The following CNTN5 variants were observed in gnomAD, a reference collection of about 807,000 sequenced individuals.
CNTN5 encodes the protein contactin 5.
A neutral mutation model predicts 129.1 loss-of-function variants in CNTN5; 77 were observed. The ratio of observed to expected loss-of-function variants is 0.60; its 90% CI spans 0.50 to 0.72. The LOEUF (loss-of-function observed/expected upper bound fraction) is 0.72, where lower values mean the gene tolerates loss of function less well. Ranked by LOEUF, CNTN5 falls within the 30% of genes least tolerant of loss-of-function variation. The pLI is 0.00. For synonymous variants in CNTN5, 509 were observed against 465.6 expected (o/e 1.09, Z -1.20); for missense variants, 1,478 against 1,328.8 (o/e 1.11, Z -1.75).
chr11:99,775,095 A>G (rs754400887), intron 3 of CNTN5, among the ~76,000 whole-genome samples: 63 of 152,042 alleles, frequency 4.1e-4, no homozygotes, highest in Admixed American at 1.6e-3. Flanking sequence ...AGCTAAGTCA[A>G]TCCAAACTGA....
Position 99,843,493 on chromosome 11 carries a change from T to C in CNTN5, c.278-1359T>C, listed in dbSNP as rs1299810315. 3.3e-5 allele frequency among the ~76,000 whole-genome samples: 5 copies of C among 152,314 alleles called. No homozygotes were observed. The East Asian group carries it at 9.6e-4, about 29-fold the overall frequency. On this transcript the variant is annotated intron_variant, in intron 4 of 24. Coordinates refer to ENST00000524871, the MANE Select transcript of CNTN5 (RefSeq NM_014361.4). ...TCCTGGAACATTTATTTTTATACTT[T>C]TTTTCTGAATATTTTCTTGTGATTA...
chr11:99,938,493 T>A (rs1308532100), intron 7 of CNTN5, among the ~76,000 whole-genome samples: 2 of 152,134 alleles, frequency 1.3e-5, no homozygotes, highest in African/African-American at 2.4e-5. Flanking sequence ...CAGGGAATCA[T>A]GGCACATAAT....
In CNTN5 at chr11:99,655,350, C is replaced by G. The variant is rs144801221; in HGVS notation, c.55+99081C>G. On this transcript the variant is annotated intron_variant, in intron 3 of 24. Coordinates refer to ENST00000524871, the MANE Select transcript of CNTN5 (RefSeq NM_014361.4). ...GGTCCAAAGTACAGCCTGACTAATACTAAGTTATGATTATATTTCTGTCCA... is the reference window on the plus strand; with the variant it reads ...GGTCCAAAGTACAGCCTGACTAATAGTAAGTTATGATTATATTTCTGTCCA... 2.2e-3 allele frequency among the ~76,000 whole-genome samples: 341 copies of G among 152,184 alleles called. 1 individual carries two copies. Among genetic ancestry groups the G allele is most frequent in the African/African-American group, 7.5e-3 (311 of 41,536 alleles).
intron 1 of CNTN5, among the ~76,000 whole-genome samples, chr11:99,030,523 A>G (rs10790408): frequency 0.36 from 54,260 of 151,874 alleles, 11,664 homozygotes; most frequent in African/African-American, 0.58. Flanking sequence ...TTGTTGGGCT[A>G]GAAAAGGGAT....
At chr11:100,329,105 G>A (rs1489567505) in intron 21 of CNTN5, among the ~76,000 whole-genome samples, 1 of 152,212 alleles carries the variant, frequency 6.6e-6, no homozygotes, top group Non-Finnish European at 1.5e-5. Context: ...AGTGAGACCA[G>A]CCTTTAGGAC....
intron 17 of CNTN5, among the ~76,000 whole-genome samples, chr11:100,268,275 C>A (rs1237638895): frequency 1.3e-5 from 2 of 152,028 alleles, no homozygotes; most frequent in South Asian, 2.1e-4. Flanking sequence ...AGAGGTTTAG[C>A]GTAAAGTTAT....
intron 3 of CNTN5, among the ~76,000 whole-genome samples, chr11:99,694,240 A>G (rs1031312894): frequency 6.6e-6 from 1 of 152,148 alleles, no homozygotes; most frequent in Non-Finnish European, 1.5e-5. Context: ...CAAACTTCAG[A>G]CAGTGAGCCA....
At chr11:99,297,159 G>A (rs1864423120) in intron 1 of CNTN5, among the ~76,000 whole-genome samples, 1 of 152,272 alleles carries the variant, frequency 6.6e-6, no homozygotes, top group Admixed American at 6.5e-5. Context: ...CCTGGCAGGT[G>A]AAGACTAATA....
At chr11:99,131,769 A>C (rs932802995) in intron 1 of CNTN5, among the ~76,000 whole-genome samples, 4 of 151,514 alleles carry the variant, frequency 2.6e-5, no homozygotes, top group African/African-American at 9.7e-5. Context: ...GAGCTTGCCA[A>C]TCAAAAAAAG....
At chr11:99,902,683 T>G (rs1013381907) in intron 6 of CNTN5, among the ~76,000 whole-genome samples, 2 of 152,128 alleles carry the variant, frequency 1.3e-5, no homozygotes, top group Non-Finnish European at 2.9e-5. Context: ...TAATGAAAAA[T>G]TCCACACAAA....
At chr11:99,666,025 C>G (rs986247488) in intron 3 of CNTN5, among the ~76,000 whole-genome samples, 12 of 151,878 alleles carry the variant, frequency 7.9e-5, no homozygotes, top group African/African-American at 2.4e-4. Flanking sequence ...AGGGCAGTGG[C>G]GTGATCTTGG....
At chr11:99,327,776 T>G (rs982676016) in intron 2 of CNTN5, among the ~76,000 whole-genome samples, 1 of 152,204 alleles carries the variant, frequency 6.6e-6, no homozygotes, top group Non-Finnish European at 1.5e-5. Flanking sequence ...CAGTTTCATC[T>G]TGACACAACC....
intron 1 of CNTN5, among the ~76,000 whole-genome samples, chr11:99,052,139 A>T (rs1864450884): frequency 6.6e-6 from 1 of 151,840 alleles, no homozygotes; most frequent in African/African-American, 2.4e-5. Context: ...ATGTATGGTT[A>T]TATGTAAGGA....
chr11:99,074,728 T>TA (rs1184400363), intron 1 of CNTN5, among the ~76,000 whole-genome samples: 1 of 152,166 alleles, frequency 6.6e-6, no homozygotes, highest in Non-Finnish European at 1.5e-5. Flanking sequence ...TATTTTAGAG[T>TA]AATTTAAAAA....
chr11:99,121,146 T>C (rs1858304519), intron 1 of CNTN5, among the ~76,000 whole-genome samples: 1 of 150,966 alleles, frequency 6.6e-6, no homozygotes, highest in East Asian at 1.9e-4. Context: ...TTTTTTTTTT[T>C]TTTTTTGAGA....
chr11:99,328,717 A>G (rs1865881804), intron 2 of CNTN5, among the ~76,000 whole-genome samples: 1 of 151,810 alleles, frequency 6.6e-6, no homozygotes. Flanking sequence ...CTAAAAATAC[A>G]AAATTAGCCA....
intron 7 of CNTN5, among the ~76,000 whole-genome samples, chr11:99,955,123 T>C (rs1485133691): frequency 6.6e-6 from 1 of 151,284 alleles, no homozygotes; most frequent in Non-Finnish European, 1.5e-5. Flanking sequence ...TATTAGATTT[T>C]AGTAAAATAA....
At chr11:99,396,414 A>T (rs1368994356) in intron 2 of CNTN5, among the ~76,000 whole-genome samples, 2 of 151,660 alleles carry the variant, frequency 1.3e-5, no homozygotes, top group African/African-American at 4.8e-5. Context: ...TTTTACAAGC[A>T]TAATAAAAAA....
chr11:99,840,163 C>G (rs914507913), intron 4 of CNTN5, among the ~76,000 whole-genome samples: 1 of 152,018 alleles, frequency 6.6e-6, no homozygotes, highest in African/African-American at 2.4e-5. Flanking sequence ...TCCATTGTTA[C>G]CAGAGGGTGG....
Sources: gnomAD v4.1 joint callset for allele counts (sites outside exome capture counted in the v4.1 genomes callset) on GRCh38, gnomAD v4.1.1 for gene constraint, MANE v1.5 for transcripts, NCBI Gene and HGNC (gene_info 2026-07-23, HGNC 2026-07-21) for gene names.